The following PLPPR5 variants were observed in gnomAD, a reference collection of about 807,000 sequenced individuals.
The protein encoded by PLPPR5 is phospholipid phosphatase-related protein type 5.
A neutral mutation model predicts 33.9 loss-of-function variants in PLPPR5; 16 were observed. The observed-to-expected ratio is 0.47, with a 90% CI of 0.32 to 0.72. PLPPR5 has a LOEUF of 0.72. PLPPR5 is among the 30% of genes least tolerant of loss of function. The pLI is 0.03. For missense variants in PLPPR5, 301 were observed against 406.7 expected, an observed-to-expected ratio of 0.74 and a Z score of 2.23; for synonymous variants, 163 against 150.3, an observed-to-expected ratio of 1.08 and a Z score of -0.62.
chr1:98,959,192 G>C (rs1485775362), intron 1 of PLPPR5, among the ~76,000 whole-genome samples: 1 of 152,116 alleles, frequency 6.6e-6, no homozygotes, highest in Non-Finnish European at 1.5e-5. Context: ...TGTATATGAA[G>C]TCCCTGACTT....
chr1:98,952,887 G>C (rs1377655768), intron 3 of PLPPR5, among the ~76,000 whole-genome samples, 183 bp downstream of exon 3: 2 of 152,134 alleles, frequency 1.3e-5, no homozygotes, highest in Non-Finnish European at 2.9e-5. Flanking sequence ...AATCTCATGA[G>C]AGTCAACTGA....
intron 5 of PLPPR5, among the ~76,000 whole-genome samples, chr1:98,910,240 C>T (rs1649070904): frequency 6.6e-6 from 1 of 152,172 alleles, no homozygotes; most frequent in East Asian, 1.9e-4. Flanking sequence ...GACTCCCTTA[C>T]TTTTTTCAGA....
chr1:99,001,705 T>TATATATATATATATA (rs1553173330), intron 1 of PLPPR5, among the ~76,000 whole-genome samples: 4 of 129,154 alleles, frequency 3.1e-5, no homozygotes, highest in Non-Finnish European at 5.0e-5. Context: ...TATATATATA[T>TATATATATATATATA]GAAGCTTTAT....
intron 1 of PLPPR5, among the ~76,000 whole-genome samples, chr1:98,970,670 T>C (rs1302996769): frequency 6.6e-6 from 1 of 151,942 alleles, no homozygotes; most frequent in Non-Finnish European, 1.5e-5. Flanking sequence ...AGGTTGATAT[T>C]ATTACCTCAT....
intron 1 of PLPPR5, among the ~76,000 whole-genome samples, chr1:98,977,980 C>T (rs1651920214): frequency 6.6e-6 from 1 of 151,960 alleles, no homozygotes; most frequent in African/African-American, 2.4e-5. Context: ...CAAACTACCT[C>T]TGGTGGTATA....
chr1:98,975,247 G>C (rs1651806429), intron 1 of PLPPR5, among the ~76,000 whole-genome samples: 1 of 152,026 alleles, frequency 6.6e-6, no homozygotes, highest in Non-Finnish European at 1.5e-5. Flanking sequence ...TATAGAGTAG[G>C]ACTCTGCCTC....
At chr1:98,936,938 G>T (rs900073880) in intron 3 of PLPPR5, among the ~76,000 whole-genome samples, 3 of 152,156 alleles carry the variant, frequency 2.0e-5, no homozygotes, top group African/African-American at 7.2e-5. Flanking sequence ...TCTAAGTCTG[G>T]GTTGTATTTA....
chr1:98,966,752 A>G (rs1651463628), intron 1 of PLPPR5, among the ~76,000 whole-genome samples: 1 of 152,182 alleles, frequency 6.6e-6, no homozygotes, highest in Admixed American at 6.5e-5. Flanking sequence ...TGCAGATACC[A>G]GAGGATAAGA....
intron 3 of PLPPR5, among the ~76,000 whole-genome samples, chr1:98,931,466 T>A (rs1649962795): frequency 1.3e-5 from 2 of 152,158 alleles, no homozygotes; most frequent in Admixed American, 1.3e-4. Flanking sequence ...TAAAAGGTGA[T>A]GAAGCTGGGA....
At chr1:98,935,702 T>A (rs911276946) in intron 3 of PLPPR5, among the ~76,000 whole-genome samples, 8 of 152,108 alleles carry the variant, frequency 5.3e-5, no homozygotes, top group African/African-American at 1.7e-4. Flanking sequence ...CAGTTAAATA[T>A]AAGAAATATG....
At chr1:99,003,915 T>G (rs181653080) in intron 1 of PLPPR5, among the ~76,000 whole-genome samples, 11 of 152,338 alleles carry the variant, frequency 7.2e-5, no homozygotes, top group Admixed American at 6.5e-4. Context: ...TTAGTCCCAT[T>G]GGCACTTTCA....
intron 1 of PLPPR5, among the ~76,000 whole-genome samples, chr1:98,999,285 A>G (rs1377043275): frequency 6.6e-6 from 1 of 152,182 alleles, no homozygotes; most frequent in African/African-American, 2.4e-5. Context: ...ACACATGTTA[A>G]CCCATTTCAT....
intron 1 of PLPPR5, among the ~76,000 whole-genome samples, chr1:98,983,988 C>G (rs1401710825): frequency 7.3e-6 from 1 of 137,662 alleles, no homozygotes; most frequent in Non-Finnish European, 1.6e-5. Context: ...GAATTCTATT[C>G]TCTTAATTTC....
At chr1:98,927,268 T>C (rs1252420765) in intron 3 of PLPPR5, among the ~76,000 whole-genome samples, 1 of 152,190 alleles carries the variant, frequency 6.6e-6, no homozygotes, top group Non-Finnish European at 1.5e-5. Flanking sequence ...TTGTTCTCAG[T>C]TTCTCACCAT....
At chr1:98,978,725 C>T (rs546897844) in intron 1 of PLPPR5, among the ~76,000 whole-genome samples, 7 of 151,954 alleles carry the variant, frequency 4.6e-5, no homozygotes, top group Admixed American at 2.6e-4. Context: ...AAATCAGCTC[C>T]CCCCACCAGA....
chr1:98,932,463 T>C (rs1042991911), intron 3 of PLPPR5, among the ~76,000 whole-genome samples: 3 of 152,192 alleles, frequency 2.0e-5, no homozygotes, highest in African/African-American at 7.2e-5. Context: ...TTTGGAGAGC[T>C]GGGCTTGTGT....
chr1:98,924,002 G>C (rs1294424626), intron 3 of PLPPR5, among the ~76,000 whole-genome samples: 1 of 152,072 alleles, frequency 6.6e-6, no homozygotes, highest in Non-Finnish European at 1.5e-5. Flanking sequence ...CAGCTATAAG[G>C]CTGGTTAATT....
At chr1:98,944,868 G>A (rs749393148) in intron 3 of PLPPR5, among the ~76,000 whole-genome samples, 4 of 152,186 alleles carry the variant, frequency 2.6e-5, no homozygotes, top group East Asian at 3.9e-4. Flanking sequence ...TGGGAGCATC[G>A]CAATGTATGC....
At chr1:99,005,296 C>G (rs1653046077), upstream of PLPPR5, among the ~76,000 whole-genome samples, 1 of 152,110 alleles carries the variant, frequency 6.6e-6, no homozygotes, top group Non-Finnish European at 1.5e-5. Context: ...AGCGCAAAGC[C>G]CACCAAGGCG....
Sources: gnomAD v4.1 joint callset for allele counts (sites outside exome capture counted in the v4.1 genomes callset) on GRCh38, gnomAD v4.1.1 for gene constraint, MANE v1.5 for transcripts, NCBI Gene and HGNC (gene_info 2026-07-23, HGNC 2026-07-21) for gene names.